The following PBX1 variants were observed in gnomAD, a reference collection of about 807,000 sequenced individuals.
PBX1 encodes the protein PBX homeobox 1, also known as pre-B-cell leukemia transcription factor 1.
A neutral mutation model predicts 53.4 loss-of-function variants in PBX1; 6 were observed. That is an observed-to-expected ratio of 0.11 (90% confidence interval 0.06 to 0.22). PBX1 has a LOEUF of 0.22. PBX1 is among the 10% of genes least tolerant of loss of function. The pLI, the probability that PBX1 is intolerant of heterozygous loss-of-function variation, is 1.00. For missense variants in PBX1, 251 were observed against 551.4 expected (o/e 0.46, Z 5.46); for synonymous variants, 204 against 212.3 (o/e 0.96, Z 0.34).
intron 8 of PBX1, among the ~76,000 whole-genome samples, chr1:164,830,617 A>G (rs1389933201): frequency 2.6e-5 from 4 of 152,134 alleles, no homozygotes; most frequent in African/African-American, 7.2e-5. Flanking sequence ...CATCCAACCT[A>G]ATAATTCTTC....
At chr1:164,659,088 TTCATTCA>T (rs535485148) in intron 2 of PBX1, among the ~76,000 whole-genome samples, 229 of 152,302 alleles carry the variant, frequency 1.5e-3, no homozygotes, top group African/African-American at 5.4e-3. Context: ...AAAGGGCTGA[TTCATTCA>T]TCATCTCTTT....
At chr1:164,881,562 T>TGAGA (rs759009258) in intron 2 of PBX1, among the ~76,000 whole-genome samples, 1 of 47,196 alleles carries the variant, frequency 2.1e-5, no homozygotes, top group Non-Finnish European at 3.7e-5. Flanking sequence ...GTAGCGGTGG[T>TGAGA]GAGAGAGAGA....
intron 2 of PBX1, among the ~76,000 whole-genome samples, chr1:164,584,213 C>CA (rs754640052): frequency 1.3e-5 from 2 of 151,920 alleles, no homozygotes; most frequent in Non-Finnish European, 2.9e-5. Context: ...AAATTATTTC[C>CA]AAAAGCCAAG....
chr1:164,789,093 T>C (rs1190898304), intron 2 of PBX1, among the ~76,000 whole-genome samples: 1 of 152,256 alleles, frequency 6.6e-6, no homozygotes, highest in Non-Finnish European at 1.5e-5. Flanking sequence ...GTATGCTTTA[T>C]GCTTTAAGCT....
intron 2 of PBX1, among the ~76,000 whole-genome samples, chr1:164,666,842 G>A (rs1318901910): frequency 6.6e-6 from 1 of 152,184 alleles, no homozygotes; most frequent in Non-Finnish European, 1.5e-5. Flanking sequence ...CTAATTATGT[G>A]CTGAGGTTTT....
In PBX1 at chr1:164,849,349, C is replaced by G; in HGVS notation, c.*2673C>G. 3 of 1,535,626 alleles carry G rather than the reference C, an allele frequency of 2.0e-6. No individual in the cohort carries two copies. Among genetic ancestry groups the G allele is most frequent in the East Asian group, 2.4e-5 (1 of 40,904 alleles). ...TCTTCTCTATACCCAGCACCTCCCC[C>G]GGCACCCCCGGCAAGCCCACTATCA... On this transcript the variant is annotated 3_prime_UTR_variant, in exon 9 of 9. Transcript: ENST00000420696.
intron 2 of PBX1, among the ~76,000 whole-genome samples, chr1:164,623,065 G>A (rs1040130446): frequency 6.6e-6 from 1 of 151,966 alleles, no homozygotes; most frequent in Non-Finnish European, 1.5e-5. Context: ...CACCTGCCTC[G>A]GCCTCCCAAA....
At chr1:164,735,003 T>C (rs1665189378) in intron 2 of PBX1, among the ~76,000 whole-genome samples, 1 of 152,220 alleles carries the variant, frequency 6.6e-6, no homozygotes, top group South Asian at 2.1e-4. Context: ...CATCTCCAGC[T>C]AAAATTTAAT....
At chr1:164,793,552 G>T (rs1668628032) in intron 3 of PBX1, among the ~76,000 whole-genome samples, 1 of 152,010 alleles carries the variant, frequency 6.6e-6, no homozygotes, top group Admixed American at 6.6e-5. Context: ...GTACATGTAG[G>T]GTCTCCCGAT....
intron 2 of PBX1, among the ~76,000 whole-genome samples, chr1:164,671,443 A>T (rs757874524): frequency 2.0e-5 from 3 of 152,238 alleles, no homozygotes; most frequent in South Asian, 4.1e-4. Flanking sequence ...TTTGTGTGTG[A>T]GTGCATGCAT....
At chr1:164,649,055 C>T (rs1385504225) in intron 2 of PBX1, among the ~76,000 whole-genome samples, 1 of 152,126 alleles carries the variant, frequency 6.6e-6, no homozygotes, top group Non-Finnish European at 1.5e-5. Flanking sequence ...TGTGTTCATT[C>T]TGGACCTGGA....
At chr1:164,835,277 T>A (rs980200951) in intron 8 of PBX1, among the ~76,000 whole-genome samples, 1 of 150,206 alleles carries the variant, frequency 6.7e-6, no homozygotes. Context: ...AATAACACGG[T>A]GGTAAGCTTT....
chr1:164,635,600 C>T (rs1215259350), intron 2 of PBX1, among the ~76,000 whole-genome samples: 1 of 152,220 alleles, frequency 6.6e-6, no homozygotes, highest in Non-Finnish European at 1.5e-5. Flanking sequence ...GCTCGTCTCG[C>T]CACGCTTTTC....
chr1:164,739,099 G>A (rs997393091), intron 2 of PBX1, among the ~76,000 whole-genome samples: 1 of 152,120 alleles, frequency 6.6e-6, no homozygotes, highest in Non-Finnish European at 1.5e-5. Flanking sequence ...GTACATTCTT[G>A]AGTAAGCGAA....
chr1:164,871,780 C>T (rs1250568817), intron 2 of PBX1, among the ~76,000 whole-genome samples: 1 of 152,088 alleles, frequency 6.6e-6, no homozygotes, highest in African/African-American at 2.4e-5. Context: ...CCCCAAACCT[C>T]GGAGTTGGAA....
chr1:164,644,223 C>T lies in PBX1; in HGVS notation c.265+80912C>T, dbSNP rs1659315034. Among the ~76,000 whole-genome samples, 4 of 152,164 alleles carry T rather than the reference C, an allele frequency of 2.6e-5. No individual in the cohort carries two copies. In the South Asian group the frequency reaches 8.3e-4, roughly 31 times the overall value. ...CCGTGGGGGATTTTACTTGTCTTTA[C>T]AAGTTAATTCTACAGGATTCACAGT... On this transcript the variant is annotated intron_variant, in intron 2 of 8. Transcript: ENST00000420696.
intron 8 of PBX1, among the ~76,000 whole-genome samples, chr1:164,826,370 A>G (rs974897415): frequency 2.0e-5 from 3 of 152,104 alleles, no homozygotes; most frequent in African/African-American, 7.2e-5. Context: ...AGCAGAAAGC[A>G]TTATTCTTTA....
intron 8 of PBX1, among the ~76,000 whole-genome samples, chr1:164,841,968 G>A (rs974861779): frequency 3.3e-5 from 5 of 152,206 alleles, no homozygotes; most frequent in South Asian, 2.1e-4. Context: ...GCACCTCAGC[G>A]TATTTCTGGG....
intron 2 of PBX1, among the ~76,000 whole-genome samples, chr1:164,785,151 G>C (rs1668114624): frequency 6.6e-6 from 1 of 152,152 alleles, no homozygotes; most frequent in African/African-American, 2.4e-5. Flanking sequence ...GTGTCAACTC[G>C]GGTGGTAACT....
Sources: allele counts gnomAD v4.1 joint callset (sites outside exome capture counted in the v4.1 genomes callset), GRCh38; gene constraint gnomAD v4.1.1; transcripts MANE v1.5; gene names NCBI Gene and HGNC (gene_info 2026-07-23, HGNC 2026-07-21).